The following FGFR2 variants were observed in gnomAD, a reference collection of about 807,000 sequenced individuals.
The protein encoded by FGFR2 is fibroblast growth factor receptor 2.
A neutral mutation model predicts 95.9 loss-of-function variants in FGFR2; 19 were observed. That is an observed-to-expected ratio of 0.20 (90% CI 0.14 to 0.29). The LOEUF (loss-of-function observed/expected upper bound fraction) is 0.29. FGFR2 is among the 10% of genes least tolerant of loss of function. FGFR2 has a pLI of 1.00. For synonymous variants in FGFR2, 392 were observed against 393.3 expected, an observed-to-expected ratio of 1.00 and a Z score of 0.04; for missense variants, 707 against 1,056.9, an observed-to-expected ratio of 0.67 and a Z score of 4.59.
At chr10:121,593,606 C>G in intron 2 of FGFR2, 103 bp downstream of exon 2, 1 of 996,802 alleles carries the variant, frequency 1.0e-6, no homozygotes, top group South Asian at 1.4e-5. Context: ...CTCTTAGAAG[C>G]CCCATTTACA....
rs75807710 is a variant in FGFR2, at chr10:121,492,913, T to C, written c.1863+3619A>G. On this transcript the variant is annotated intron_variant, in intron 13 of 17. Coordinates refer to ENST00000358487, the MANE Select transcript of FGFR2 (RefSeq NM_000141.5). Reference sequence around the variant, plus strand: ...CACCCGCCCCCCACGTGGAATCTCATTGGTCTTGCCTCAGTTTAGAGAGAG... The same window carrying C: ...CACCCGCCCCCCACGTGGAATCTCACTGGTCTTGCCTCAGTTTAGAGAGAG... Among the ~76,000 whole-genome samples, 193 of 152,244 alleles carry C rather than the reference T, an allele frequency of 1.3e-3. 1 individual carries two copies. The highest frequency in any genetic ancestry group is 2.9e-3 in the East Asian group (15 of 5,174).
intron 2 of FGFR2, among the ~76,000 whole-genome samples, chr10:121,577,178 T>TATATAGAGAGAGAGAGAG: frequency 3.8e-3 from 20 of 5,198 alleles, no homozygotes; most frequent in Non-Finnish European, 6.0e-3. Context: ...TATATATATA[T>TATATAGAGAGAGAGAGAG]AGAGAGAGAG....
At chr10:121,554,333 C>CTT (rs59481441) in intron 4 of FGFR2, among the ~76,000 whole-genome samples, 10,612 of 139,876 alleles carry the variant, frequency 0.076, 1,012 homozygotes, top group African/African-American at 0.22. Flanking sequence ...GGGAGGAAGT[C>CTT]TTTTTTTTTT....
At chr10:121,578,156 T>C (rs1860229977) in intron 2 of FGFR2, among the ~76,000 whole-genome samples, 1 of 151,934 alleles carries the variant, frequency 6.6e-6, no homozygotes, top group South Asian at 2.1e-4. Context: ...CCCAGAGGAA[T>C]CTTCTGAAAA....
At chr10:121,563,168 G>A (rs1857211446) in intron 4 of FGFR2, among the ~76,000 whole-genome samples, 1 of 152,198 alleles carries the variant, frequency 6.6e-6, no homozygotes, top group Non-Finnish European at 1.5e-5. Flanking sequence ...AAGGTCAAGA[G>A]TTCGAGACCA....
chr10:121,584,090 G>A (rs776863510), intron 2 of FGFR2, among the ~76,000 whole-genome samples: 19 of 151,884 alleles, frequency 1.3e-4, no homozygotes, highest in Non-Finnish European at 2.8e-4. Context: ...CATCCATACT[G>A]CCCCTACTTC....
chr10:121,485,406 G>A lies in FGFR2; in HGVS notation c.2184C>T (p.Cys728=), dbSNP rs1224863755. 10 of 1,614,124 alleles carry A rather than the reference G, an allele frequency of 6.2e-6. No individual in the cohort carries two copies. In the East Asian group the frequency reaches 2.0e-4, roughly 32 times the overall value. Residue 728 remains cysteine, a synonymous_variant, in exon 16 of 18, where the codon TGC becomes TGT. Transcript: ENST00000358487. The surrounding 1 kb of genome is among the most constrained non-coding windows in gnomAD (Gnocchi z 4.2). ...ACAACAGCCCTTACAGTTCGTTGGT[G>A]CAGTTGGCTGGCTTATCCATTCTGT... ...EGHRMDKPAN[C]TNELYMMMRD... is the part of the protein sequence containing the mutation.
intron 9 of FGFR2, among the ~76,000 whole-genome samples, chr10:121,513,921 T>C (rs1190405907): frequency 6.6e-6 from 1 of 152,214 alleles, no homozygotes; most frequent in African/African-American, 2.4e-5. Flanking sequence ...AAACCACTGC[T>C]GACCAACTGG....
In FGFR2 at chr10:121,479,155, AGTC is replaced by A. The variant is rs1844351898; in HGVS notation, c.*699_*701del. 1 of 232,942 alleles carries A rather than the reference AGTC, an allele frequency of 4.3e-6. No homozygotes were observed. Among genetic ancestry groups the A allele is most frequent in the East Asian group, 6.1e-5 (1 of 16,384 alleles). The allele number at this position is 232,942 out of a possible 1,614,324, so 14.4% of individuals were successfully genotyped here. A position where few individuals can be genotyped will look rare whatever the true frequency, so the allele number is the denominator to read the frequency against. The stretch of plus-strand genomic sequence containing the variant: ...GTTAAGTCCAAGCAATAGATTAACT[AGTC>A]TGCTGTGCTGCCTGCATAGAAATGC... On this transcript the variant is annotated 3_prime_UTR_variant, in exon 18 of 18. Transcript: ENST00000358487.
intron 2 of FGFR2, among the ~76,000 whole-genome samples, chr10:121,590,969 A>ACGCACG (rs1351375506): frequency 6.6e-6 from 1 of 152,012 alleles, no homozygotes; most frequent in Non-Finnish European, 1.5e-5. Flanking sequence ...ACAGGCACGC[A>ACGCACG]CGCACGCACG....
chr10:121,547,498 G>A (rs906073636), intron 5 of FGFR2, among the ~76,000 whole-genome samples: 1 of 150,868 alleles, frequency 6.6e-6, no homozygotes, highest in Admixed American at 6.6e-5. Flanking sequence ...GGGCTCAAGC[G>A]ATCCTCCCAC....
Position 121,518,084 on chromosome 10 carries a change from T to C in FGFR2, c.940-621A>G, listed in dbSNP as rs1849936917. ...AAAAACTGGGCTTTTTCTCTTTTCA[T>C]TAATAAACATTTGGATGTGAGTCAT... On this transcript the variant is annotated intron_variant, in intron 7 of 17. Transcript: ENST00000358487. This position sits in a 1 kb window ranked among gnomAD's most constrained non-coding sequence, Gnocchi z 4.0. 2.0e-6 allele frequency: 1 copy of C among 488,690 alleles called. No individual in the cohort carries two copies. The highest frequency in any genetic ancestry group is 2.3e-5 in the Admixed American group (1 of 43,470). The allele number at this position is 488,690 out of a possible 1,614,324, so 30.3% of individuals were successfully genotyped here. A position where few individuals can be genotyped will look rare whatever the true frequency, so the allele number is the denominator to read the frequency against.
chr10:121,487,487 C>T (rs370804906), intron 14 of FGFR2, 63 bp from the exon 15 acceptor site: 3 of 1,339,810 alleles, frequency 2.2e-6, no homozygotes, highest in Admixed American at 1.9e-5. Flanking sequence ...TTAGCAGGCT[C>T]AATAGGGCTA....
chr10:121,499,910 C>A (rs1029217124), intron 11 of FGFR2, among the ~76,000 whole-genome samples: 1 of 152,160 alleles, frequency 6.6e-6, no homozygotes, highest in Non-Finnish European at 1.5e-5. Flanking sequence ...CAAAGTCCAG[C>A]CTGCTACTTC....
intron 2 of FGFR2, among the ~76,000 whole-genome samples, chr10:121,593,343 C>A (rs755579981): frequency 2.6e-5 from 4 of 152,204 alleles, no homozygotes; most frequent in Non-Finnish European, 4.4e-5. Context: ...AATAGCAATT[C>A]TTTACATTGT....
At chr10:121,587,443 A>C (rs966544905) in intron 2 of FGFR2, among the ~76,000 whole-genome samples, 2 of 152,252 alleles carry the variant, frequency 1.3e-5, no homozygotes, top group Non-Finnish European at 2.9e-5. Flanking sequence ...CTGCACAGCA[A>C]AAGAAACTAT....
intron 10 of FGFR2, among the ~76,000 whole-genome samples, chr10:121,501,447 AC>A (rs1484010710): frequency 1.3e-5 from 2 of 152,210 alleles, no homozygotes; most frequent in Admixed American, 1.3e-4. Flanking sequence ...CTAATTTTTT[AC>A]TAAAAAGAAA....
chr10:121,493,667 C>A (rs1211897720), intron 13 of FGFR2, among the ~76,000 whole-genome samples: 1 of 152,204 alleles, frequency 6.6e-6, no homozygotes, highest in East Asian at 1.9e-4. Flanking sequence ...CCAAGCTTCT[C>A]CGCAGATGAG....
At chr10:121,532,250 C>G (rs1852179180) in intron 6 of FGFR2, among the ~76,000 whole-genome samples, 1 of 152,164 alleles carries the variant, frequency 6.6e-6, no homozygotes, top group African/African-American at 2.4e-5. Context: ...GTGCCAGGAA[C>G]AGGTACAAGC....
Sources: allele counts gnomAD v4.1 joint callset (sites outside exome capture counted in the v4.1 genomes callset), GRCh38; gene constraint gnomAD v4.1.1; non-coding constraint Gnocchi (gnomAD v3.1); transcripts MANE v1.5; gene names NCBI Gene and HGNC (gene_info 2026-07-23, HGNC 2026-07-21).